The following OTOGL variants were observed in gnomAD, a reference collection of about 807,000 sequenced individuals.
The protein encoded by OTOGL is otogelin-like protein.
Under a neutral mutation model 318.5 loss-of-function variants are expected in OTOGL, and 285 were observed. The ratio of observed to expected loss-of-function variants is 0.89; its 90% CI spans 0.81 to 0.99. The LOEUF is 0.99. OTOGL is among the 50% of genes least tolerant of loss of function. The probability of loss-of-function intolerance (pLI) is 0.00; values close to 1 mark genes in which losing one functional copy is unlikely to be tolerated. For missense variants in OTOGL, 2,899 were observed against 2,845.6 expected, an observed-to-expected ratio of 1.02 and a Z score of -0.43; for synonymous variants, 987 against 936.5, an observed-to-expected ratio of 1.05 and a Z score of -0.99.
rs189772083 is a variant in OTOGL at position 80,380,587 on chromosome 12, T to C, written c.*2539T>C. The C allele has an allele frequency of 2.6e-5, 2 of 76,094 alleles. No homozygotes were observed. Among genetic ancestry groups the C allele is most frequent in the East Asian group, 7.2e-4 (2 of 2,780 alleles). The allele number at this position is 76,094 out of a possible 1,614,324, so 4.7% of individuals were successfully genotyped here. ...ATCTACAGAAATTCAATTTCTCACC[T>C]ACCAGACTGGTAAAAAACCAGAAGT... On this transcript the variant is annotated 3_prime_UTR_variant, in exon 59 of 59. Transcript: ENST00000547103.
At chr12:80,177,756 C>G (rs1471307074) in intron 1 of OTOGL, among the ~76,000 whole-genome samples, 1 of 152,052 alleles carries the variant, frequency 6.6e-6, no homozygotes, top group Non-Finnish European at 1.5e-5. Flanking sequence ...AATTTTTTTA[C>G]AACAATGTTT....
At chr12:80,123,643 T>C (rs962146007) in intron 1 of OTOGL, among the ~76,000 whole-genome samples, 3 of 152,270 alleles carry the variant, frequency 2.0e-5, no homozygotes, top group Non-Finnish European at 2.9e-5. Flanking sequence ...AACTAGTTTA[T>C]AGTCCCACCA....
intron 1 of OTOGL, among the ~76,000 whole-genome samples, chr12:80,147,360 C>A (rs960071669): frequency 1.4e-5 from 2 of 146,544 alleles, no homozygotes; most frequent in Admixed American, 6.8e-5. Flanking sequence ...TGTAGTTGAG[C>A]GGTTTTGAGT....
At position 80,271,771 on chromosome 12, in the gene OTOGL, C is replaced by T. The variant is rs1444581625; in HGVS notation, c.2642C>T (p.Pro881Leu). 6.2e-7 allele frequency: 1 copy of T among 1,613,076 alleles called. No homozygotes were observed. The highest frequency in any genetic ancestry group is 8.5e-7 in the Non-Finnish European group (1 of 1,179,398). The stretch of plus-strand genomic sequence containing the variant: ...CTAGCCATGAACTTCACCTGCACCC[C>T]ATCCTCACCCTGTATAAGTGGCTGT... Reference protein sequence around the residue: ...ANLAMNFTCTPSSPCISGCVC... With the variant: ...ANLAMNFTCTLSSPCISGCVC... The change falls in exon 24 of 59, where the codon CCA becomes CTA. Residue 881 changes from proline (P) to leucine (L), a missense_variant. Around this residue, in one of 3 missense-constraint regions of OTOGL, gnomAD observed 2,607 missense variants for 2,524.9 expected, o/e 1.03. Coordinates refer to ENST00000547103, the MANE Select transcript of OTOGL (RefSeq NM_001378609.3).
At position 80,370,635 on chromosome 12, in the gene OTOGL, A is replaced by G; in HGVS notation, c.6681A>G (p.Ile2227Met). 2 of 1,593,646 alleles carry G rather than the reference A, an allele frequency of 1.3e-6. No individual in the cohort carries two copies. Among genetic ancestry groups the G allele is most frequent in the Admixed American group, 1.7e-5 (1 of 58,768 alleles). ...YECVKTDEGA[I>M]ILNYTMVCPP... ...GTGTTAAAACTGATGAAGGAGCAAT[A>G]ATTCTGAACTACACAATGGTCTGTC... The change falls in exon 56 of 59, where the codon ATA (isoleucine) becomes ATG (methionine). Residue 2227 changes from isoleucine (I) to methionine (M), a missense_variant. Transcript: ENST00000547103.
chr12:80,197,424 C>T (rs532471509), intron 1 of OTOGL, among the ~76,000 whole-genome samples: 8 of 152,246 alleles, frequency 5.3e-5, no homozygotes, highest in African/African-American at 1.4e-4. Context: ...CAGGGTTTCA[C>T]CATGTTGGCC....
Position 80,313,609 on chromosome 12 carries a change from A to T in OTOGL, c.3584A>T (p.His1195Leu). The change falls in exon 31 of 59, where the codon CAT (histidine) becomes CTT (leucine). Residue 1195 changes from histidine (H) to leucine (L), a missense_variant. Coordinates refer to ENST00000547103, the MANE Select transcript of OTOGL (RefSeq NM_001378609.3). Reference sequence around the variant, plus strand: ...TGTTGTCAGGAAGGAATATCAATTCATTGGAGATCATCTACTGTTTGTTGT... The same window carrying T: ...TGTTGTCAGGAAGGAATATCAATTCTTTGGAGATCATCTACTGTTTGTTGT... ...YKCCQEGISI[H>L]WRSSTVCSLD... is the part of the protein sequence containing the mutation. The T allele has an allele frequency of 6.2e-7, 1 of 1,612,492 alleles. No individual in the cohort carries two copies. Among genetic ancestry groups the T allele is most frequent in the African/African-American group, 1.3e-5 (1 of 75,002 alleles).
chr12:80,202,861 G>A (rs1046994936), intron 1 of OTOGL, among the ~76,000 whole-genome samples: 1 of 152,118 alleles, frequency 6.6e-6, no homozygotes, highest in Non-Finnish European at 1.5e-5. Context: ...TCTTTCTGCA[G>A]AATAGCTCTT....
intron 14 of OTOGL, 129 bp from the exon 15 acceptor site, chr12:80,254,395 A>AT (rs1290952149): frequency 1.8e-5 from 9 of 489,956 alleles, no homozygotes; most frequent in South Asian, 1.3e-4. Flanking sequence ...TTTTGCAGAG[A>AT]TTTTTTTAAG....
chr12:80,334,803 G>T (rs1402031784), intron 38 of OTOGL, among the ~76,000 whole-genome samples: 1 of 152,060 alleles, frequency 6.6e-6, no homozygotes, highest in Non-Finnish European at 1.5e-5. Context: ...TCAGTAGAGT[G>T]GTAGGTCTAA....
chr12:80,155,830 G>T (rs1335496223), intron 1 of OTOGL, among the ~76,000 whole-genome samples: 2 of 152,046 alleles, frequency 1.3e-5, no homozygotes, highest in Non-Finnish European at 2.9e-5. Context: ...GTTCAATTGT[G>T]TTGATTTTTA....
At position 80,176,740 on chromosome 12, in the gene OTOGL, C is replaced by A. The variant is rs149769944; in HGVS notation, c.-19-32673C>A. Among the ~76,000 whole-genome samples, 907 of 152,054 alleles carry A rather than the reference C, an allele frequency of 6.0e-3. 30 individuals carry two copies. The highest frequency in any genetic ancestry group is 1.4e-3 in the Non-Finnish European group (94 of 67,956). ...TTTGTGTAGTTAGATGCTTTCATTT[C>A]TCTTGGGTAAAAACTTGGGTATAGA... On this transcript the variant is annotated intron_variant, in intron 1 of 58. Transcript: ENST00000547103.
At chr12:80,355,626 A>G in intron 46 of OTOGL, 110 bp from the exon 47 acceptor site, 1 of 775,286 alleles carries the variant, frequency 1.3e-6, no homozygotes, top group Non-Finnish European at 2.0e-6. Context: ...TAGACTTGTG[A>G]CACATCATTA....
chr12:80,364,686 G>C (rs1229457276), intron 52 of OTOGL, among the ~76,000 whole-genome samples: 1 of 151,986 alleles, frequency 6.6e-6, no homozygotes, highest in Non-Finnish European at 1.5e-5. Flanking sequence ...CTTTGTGTCT[G>C]GCTCTTTTTA....
chr12:80,253,045 C>T (rs116194202), intron 13 of OTOGL, among the ~76,000 whole-genome samples: 2,524 of 152,248 alleles, frequency 0.017, 68 homozygotes, highest in African/African-American at 0.057. Flanking sequence ...CAAATGCAGT[C>T]GCATGGTCTT....
chr12:80,209,267 G>C, intron 1 of OTOGL, 146 bp from the exon 2 acceptor site: 1 of 455,944 alleles, frequency 2.2e-6, no homozygotes, highest in Non-Finnish European at 3.8e-6. Context: ...TAAAGCTTCA[G>C]ATGCTGTATG....
intron 1 of OTOGL, among the ~76,000 whole-genome samples, chr12:80,131,310 T>C (rs570120050): frequency 2.0e-5 from 3 of 152,308 alleles, no homozygotes; most frequent in South Asian, 4.1e-4. Flanking sequence ...TCTGCTTCCA[T>C]AGTGCATAGA....
At chr12:80,363,641 A>G (rs1475939841) in intron 52 of OTOGL, among the ~76,000 whole-genome samples, 1 of 152,174 alleles carries the variant, frequency 6.6e-6, no homozygotes, top group Admixed American at 6.6e-5. Context: ...TTGGACAAAC[A>G]TTACAATGGC....
rs770975158 is a variant in OTOGL, at chr12:80,370,664, C to T, written c.6710C>T (p.Pro2237Leu). 5.7e-6 allele frequency: 9 copies of T among 1,585,622 alleles called. No homozygotes were observed. Among genetic ancestry groups the T allele is most frequent in the Non-Finnish European group, 7.7e-6 (9 of 1,162,506 alleles). The change falls in exon 56 of 59, where the codon CCT (proline) becomes CTT (leucine). Residue 2237 changes from proline (P) to leucine (L), a missense_variant. Physicochemically the swap from Pro to Leu is moderately conservative, Grantham distance 98. This residue lies in a region of OTOGL where 289 missense variants were observed against 304.6 expected (regional missense o/e 0.95). Transcript: ENST00000547103. ...CTGAACTACACAATGGTCTGTCCCCCTTTTAATGAGACTGAATGCAAAATG... is the reference window on the plus strand; with the variant it reads ...CTGAACTACACAATGGTCTGTCCCCTTTTTAATGAGACTGAATGCAAAATG... ...IILNYTMVCP[P>L]FNETECKMNE...
Sources: allele counts gnomAD v4.1 joint callset (sites outside exome capture counted in the v4.1 genomes callset), GRCh38; gene constraint gnomAD v4.1.1; regional missense constraint gnomAD v4.1.1; transcripts MANE v1.5; gene names NCBI Gene and HGNC (gene_info 2026-07-23, HGNC 2026-07-21).